CPNE4: variants seen among roughly 807,000 people sequenced by gnomAD.
CPNE4 encodes the protein copine 4.
CPNE4 carries 25 observed loss-of-function variants against 67.9 expected under a neutral mutation model. The ratio of observed to expected loss-of-function variants is 0.37; its 90% CI spans 0.27 to 0.51. CPNE4 has a LOEUF of 0.51. Among genes scored for constraint, CPNE4 ranks in the 20% least tolerant of loss-of-function variants. The pLI, the probability that CPNE4 is intolerant of heterozygous loss-of-function variation, is 0.93. For synonymous variants in CPNE4, 242 were observed against 244.9 expected (o/e 0.99, Z 0.11); for missense variants, 464 against 690.8 (o/e 0.67, Z 3.68).
intron 1 of CPNE4, among the ~76,000 whole-genome samples, chr3:131,910,103 A>G (rs1401265493): frequency 6.6e-6 from 1 of 152,040 alleles, no homozygotes; most frequent in Non-Finnish European, 1.5e-5. Context: ...GCTCACTTCT[A>G]TTCCTCCTTT....
chr3:131,630,143 C>T (rs2079183843), intron 7 of CPNE4, among the ~76,000 whole-genome samples: 1 of 152,188 alleles, frequency 6.6e-6, no homozygotes. Flanking sequence ...AAATCTCACG[C>T]TGTCCTGCAA....
intron 2 of CPNE4, among the ~76,000 whole-genome samples, chr3:131,837,969 GT>G (rs943133549): frequency 7.2e-5 from 11 of 151,950 alleles, no homozygotes; most frequent in African/African-American, 2.6e-4. Context: ...AGTTTACAGA[GT>G]TGCAAAACCA....
In CPNE4 at chr3:131,990,595, A is replaced by C. The variant is rs1377136042; in HGVS notation, c.-2+43972T>G. 2.2e-5 allele frequency among the ~76,000 whole-genome samples: 3 copies of C among 136,758 alleles called. 1 individual carries two copies. The highest frequency in any genetic ancestry group is 5.0e-5 in the Non-Finnish European group (3 of 60,218). The allele number at this position is 136,758 out of a possible 152,430, so 89.7% of individuals were successfully genotyped here. A position where few individuals can be genotyped will look rare whatever the true frequency, so the allele number is the denominator to read the frequency against. Reference sequence around the variant, plus strand: ...CAACATAATACGTATAGAATAAAATATGAAAAGACTTGGATTATTTTCATT... The same window carrying C: ...CAACATAATACGTATAGAATAAAATCTGAAAAGACTTGGATTATTTTCATT... On this transcript the variant is annotated intron_variant, in intron 1 of 15. Coordinates refer to ENST00000429747, the MANE Select transcript of CPNE4 (RefSeq NM_130808.3).
chr3:131,908,762 T>A (rs189736206), intron 1 of CPNE4, among the ~76,000 whole-genome samples: 1 of 152,276 alleles, frequency 6.6e-6, no homozygotes, highest in East Asian at 1.9e-4. Context: ...GCAAAAAGAC[T>A]CTGTCAAGGA....
chr3:131,768,294 G>A (rs1272408502), intron 2 of CPNE4, among the ~76,000 whole-genome samples: 1 of 152,012 alleles, frequency 6.6e-6, no homozygotes, highest in African/African-American at 2.4e-5. Flanking sequence ...TGGAGAAGTG[G>A]AAATGAAAAC....
chr3:131,754,338 G>A (rs1189981796), intron 2 of CPNE4, among the ~76,000 whole-genome samples: 1 of 151,610 alleles, frequency 6.6e-6, no homozygotes, highest in African/African-American at 2.4e-5. Flanking sequence ...TTGAAAGAGA[G>A]AGAAAAAAGA....
At chr3:131,907,481 T>A (rs2088816144) in intron 1 of CPNE4, among the ~76,000 whole-genome samples, 1 of 140,898 alleles carries the variant, frequency 7.1e-6, no homozygotes, top group African/African-American at 2.7e-5. Context: ...TGGCTATGCC[T>A]CAGCATTACG....
At chr3:131,642,959 G>A (rs926515882) in intron 7 of CPNE4, among the ~76,000 whole-genome samples, 6 of 152,172 alleles carry the variant, frequency 3.9e-5, no homozygotes, top group African/African-American at 1.2e-4. Context: ...ACCCCAAAAT[G>A]TGGAAGCAGC....
At chr3:132,001,878 T>C (rs1355682623) in intron 1 of CPNE4, among the ~76,000 whole-genome samples, 2 of 152,160 alleles carry the variant, frequency 1.3e-5, no homozygotes, top group African/African-American at 4.8e-5. Context: ...CATTTGACAT[T>C]AATTCTGGTA....
intron 1 of CPNE4, among the ~76,000 whole-genome samples, chr3:131,955,982 G>T (rs1870711): frequency 0.71 from 107,644 of 151,970 alleles, 38,314 homozygotes; most frequent in Admixed American, 0.81. Flanking sequence ...GTTAATGTTT[G>T]CTCCTTTAAT....
chr3:131,696,473 G>A, intron 5 of CPNE4, 69 bp downstream of exon 5: 1 of 1,422,804 alleles, frequency 7.0e-7, no homozygotes, highest in Non-Finnish European at 9.9e-7. Context: ...TAGTTGCAGG[G>A]GGAAATCTGA....
intron 7 of CPNE4, among the ~76,000 whole-genome samples, chr3:131,652,327 A>G (rs79914755): frequency 0.064 from 9,762 of 152,310 alleles, 318 homozygotes; most frequent in African/African-American, 0.072. Context: ...CTAAGTAGAC[A>G]CTGGAATTTA....
chr3:131,885,038 C>G (rs1356692652), intron 2 of CPNE4, among the ~76,000 whole-genome samples: 1 of 152,126 alleles, frequency 6.6e-6, no homozygotes, highest in Non-Finnish European at 1.5e-5. Flanking sequence ...AACTGGGTAA[C>G]AGGCAGAGGT....
At chr3:132,036,426 G>A (rs1429438518), upstream of CPNE4, among the ~76,000 whole-genome samples, 5 of 152,220 alleles carry the variant, frequency 3.3e-5, no homozygotes, top group African/African-American at 1.2e-4. Flanking sequence ...CATTGCGAGT[G>A]AGACACAGGG....
At chr3:131,836,269 T>A (rs1438447933) in intron 2 of CPNE4, among the ~76,000 whole-genome samples, 2 of 152,108 alleles carry the variant, frequency 1.3e-5, no homozygotes, top group African/African-American at 4.8e-5. Context: ...CCTGACCAAG[T>A]GGGGTTCATT....
chr3:131,761,637 C>A (rs2082894125), intron 2 of CPNE4, among the ~76,000 whole-genome samples: 1 of 152,012 alleles, frequency 6.6e-6, no homozygotes. Context: ...CAAGCTTAAC[C>A]AGATGCCCAA....
At chr3:131,647,413 G>A (rs1388571728) in intron 7 of CPNE4, among the ~76,000 whole-genome samples, 1 of 152,176 alleles carries the variant, frequency 6.6e-6, no homozygotes, top group African/African-American at 2.4e-5. Context: ...GCAAAGGAAT[G>A]TAGGACGTGG....
intron 6 of CPNE4, among the ~76,000 whole-genome samples, chr3:131,672,437 A>C (rs1441960326): frequency 6.6e-6 from 1 of 152,108 alleles, no homozygotes; most frequent in Non-Finnish European, 1.5e-5. Flanking sequence ...ACTAATTTAC[A>C]TTTCCACCAA....
At chr3:131,934,719 T>TAC (rs2071173296) in intron 1 of CPNE4, among the ~76,000 whole-genome samples, 1 of 152,092 alleles carries the variant, frequency 6.6e-6, no homozygotes, top group South Asian at 2.1e-4. Flanking sequence ...ATGACAGGGA[T>TAC]ACAGGCTCCT....
Sources: gnomAD v4.1 joint callset for allele counts (sites outside exome capture counted in the v4.1 genomes callset) on GRCh38, gnomAD v4.1.1 for gene constraint, MANE v1.5 for transcripts, NCBI Gene and HGNC (gene_info 2026-07-23, HGNC 2026-07-21) for gene names.